WDR82: variants seen among roughly 807,000 people sequenced by gnomAD.
WDR82 encodes WD repeat domain 82.
WDR82 carries 8 observed loss-of-function variants against 36.1 expected under a neutral mutation model. The observed-to-expected ratio is 0.22, with a 90% CI of 0.13 to 0.40. The LOEUF is 0.40. WDR82 is among the 10% of genes least tolerant of loss of function. WDR82 has a pLI of 1.00. For missense variants in WDR82, 185 were observed against 400.5 expected (o/e 0.46, Z 4.59); for synonymous variants, 129 against 137.8 (o/e 0.94, Z 0.45).
intron 1 of WDR82, among the ~76,000 whole-genome samples, chr3:52,277,544 G>C (rs1435107084): frequency 6.6e-6 from 1 of 152,240 alleles, no homozygotes; most frequent in Non-Finnish European, 1.5e-5. Context: ...GGAAGTTTTA[G>C]ATGTTGCTGA....
chr3:52,263,336 G>A (rs1296780803), intron 3 of WDR82, among the ~76,000 whole-genome samples: 1 of 152,224 alleles, frequency 6.6e-6, no homozygotes, highest in African/African-American at 2.4e-5. Context: ...TACAACATCT[G>A]AGGTAGAAAG....
chr3:52,269,742 C>G (rs915502972), intron 2 of WDR82, among the ~76,000 whole-genome samples: 37 of 151,954 alleles, frequency 2.4e-4, no homozygotes, highest in Admixed American at 5.9e-4. Context: ...AAAATAAAAA[C>G]AGACAAACAA....
intron 3 of WDR82, among the ~76,000 whole-genome samples, chr3:52,262,445 T>C (rs993932420): frequency 2.0e-5 from 3 of 152,222 alleles, no homozygotes; most frequent in Non-Finnish European, 4.4e-5. Flanking sequence ...CTTATCAAGA[T>C]GTGTGAGGAC....
intron 1 of WDR82, among the ~76,000 whole-genome samples, chr3:52,274,740 TA>T (rs1700187240): frequency 6.6e-6 from 1 of 151,678 alleles, no homozygotes; most frequent in Non-Finnish European, 1.5e-5. Context: ...CCATTTCTAC[TA>T]AAAATACAAA....
intron 2 of WDR82, chr3:52,268,441 C>G (rs1700125228): frequency 2.3e-6 from 1 of 426,838 alleles, no homozygotes; most frequent in African/African-American, 2.0e-5. Context: ...ATCCTCACAG[C>G]AGAGGCTTGG....
Position 52,259,748 on chromosome 3 carries a change from G to C in WDR82, c.668C>G (p.Ala223Gly). The part of the protein sequence containing the change: ...TNGSFIRLID[A>G]FKGVVMHTFG... ...TGTGTGCATCACCACTCCTTTGAAT[G>C]CATCAATCAGACGAATGAAGCTGCC... is the stretch of plus-strand genomic sequence containing the variant. The change falls in exon 6 of 9, where the codon GCA becomes GGA. Residue 223 changes from alanine to glycine, a missense_variant. By Grantham distance (60) the Ala-to-Gly change is moderately conservative. Coordinates refer to ENST00000296490, the MANE Select transcript of WDR82 (RefSeq NM_025222.4). 1 of 1,613,986 alleles carries C rather than the reference G, an allele frequency of 6.2e-7. No individual in the cohort carries two copies. The highest frequency in any genetic ancestry group is 8.5e-7 in the Non-Finnish European group (1 of 1,179,934).
chr3:52,258,829 G>A lies in WDR82; in HGVS notation c.770-151C>T, dbSNP rs565522711. On this transcript the variant is annotated intron_variant, in intron 7 of 8. Coordinates refer to ENST00000296490, the MANE Select transcript of WDR82 (RefSeq NM_025222.4). ...GAGGGAGGAGAGGCAGTGAAGGAAG[G>A]ACACTTTGGAAATTTATCTTGACCC... The A allele has an allele frequency of 2.7e-6, 3 of 1,098,104 alleles. No homozygotes were observed. In the Admixed American group the frequency reaches 7.8e-5, roughly 28 times the overall value. 68.0% of individuals were successfully genotyped at this position (1,098,104 alleles called of 1,614,324 possible).
intron 3 of WDR82, among the ~76,000 whole-genome samples, chr3:52,262,289 G>C (rs185041204): frequency 1.6e-4 from 24 of 152,300 alleles, no homozygotes; most frequent in African/African-American, 5.8e-4. Context: ...TCTTTGGAGT[G>C]ATAAAAATGT....
chr3:52,266,142 A>C (rs1700104082), intron 3 of WDR82, among the ~76,000 whole-genome samples: 1 of 152,152 alleles, frequency 6.6e-6, no homozygotes, highest in Non-Finnish European at 1.5e-5. Context: ...AAACTTCTTG[A>C]TTTTAAAAAA....
At chr3:52,259,330 A>AGT (rs1700039686) in intron 6 of WDR82, 64 bp from the exon 7 acceptor site, 1 of 1,493,378 alleles carries the variant, frequency 6.7e-7, no homozygotes, top group Non-Finnish European at 9.3e-7. Context: ...GCTGCCTACA[A>AGT]ACACTGACTC....
rs1767 is a variant in WDR82, at chr3:52,256,458, C to A, written c.*1032G>T. ...AGAAATCAAAGGTCATATATAAAAA[C>A]GCTAAATATGACATATAACACAGGC... On this transcript the variant is annotated 3_prime_UTR_variant, in exon 9 of 9. Transcript: ENST00000296490. 6.5e-6 allele frequency: 1 copy of A among 153,592 alleles called. No homozygotes were observed. Among genetic ancestry groups the A allele is most frequent in the Non-Finnish European group, 1.5e-5 (1 of 68,040 alleles). The allele number at this position is 153,592 out of a possible 1,614,324, so 9.5% of individuals were successfully genotyped here.
chr3:52,273,313 C>T (rs529548034), intron 1 of WDR82, among the ~76,000 whole-genome samples: 2 of 151,962 alleles, frequency 1.3e-5, no homozygotes, highest in East Asian at 3.9e-4. Context: ...CACCTGTAAT[C>T]CCAGTTACTT....
chr3:52,276,921 C>A (rs573580166), intron 1 of WDR82, among the ~76,000 whole-genome samples: 2 of 151,552 alleles, frequency 1.3e-5, no homozygotes, highest in African/African-American at 4.8e-5. Flanking sequence ...GGGGGGATAC[C>A]ATTATAGCTC....
chr3:52,258,490 C>G, intron 8 of WDR82, 46 bp downstream of exon 8: 1 of 1,611,210 alleles, frequency 6.2e-7, no homozygotes, highest in Middle Eastern at 2.2e-4. Context: ...ACCACCCCAA[C>G]TGGGAAGGGT....
chr3:52,259,710 A>G lies in WDR82; in HGVS notation c.699+7T>C. 6.2e-7 allele frequency: 1 copy of G among 1,608,720 alleles called. No homozygotes were observed. Among genetic ancestry groups the G allele is most frequent in the Non-Finnish European group, 8.5e-7 (1 of 1,176,692 alleles). ...GAAACAGCCATGCTTGAAGGCTGTC[A>G]GCTCACCCCAAATGTGTGCATCACC... On this transcript the variant is annotated splice_region_variant and intron_variant, in intron 6 of 8. Coordinates refer to ENST00000296490, the MANE Select transcript of WDR82 (RefSeq NM_025222.4).
intron 1 of WDR82, among the ~76,000 whole-genome samples, chr3:52,273,596 C>T (rs1447487219): frequency 6.6e-6 from 1 of 151,970 alleles, no homozygotes. Context: ...AAATCTACTG[C>T]CTCATTTCAT....
chr3:52,274,359 G>A (rs1054518909), intron 1 of WDR82, among the ~76,000 whole-genome samples: 21 of 151,936 alleles, frequency 1.4e-4, no homozygotes, highest in African/African-American at 4.8e-4. Context: ...CTTGAGTTCA[G>A]GAGTTTGAGA....
At chr3:52,275,352 G>C (rs1237022502) in intron 1 of WDR82, among the ~76,000 whole-genome samples, 2 of 152,168 alleles carry the variant, frequency 1.3e-5, no homozygotes, top group Non-Finnish European at 2.9e-5. Context: ...GGAAACTAAA[G>C]AGGTTGTCTA....
At position 52,257,539 on chromosome 3, in the gene WDR82, C is replaced by T. The variant is rs772348925; in HGVS notation, c.913-20G>A. On this transcript the variant is annotated intron_variant, in intron 8 of 8. Transcript: ENST00000296490. Reference sequence around the variant, plus strand: ...AAAGGCCTAGAAGGAGAACATAAATCAACTTTAAAAAGCCAAGCATCTCCT... The same window carrying T: ...AAAGGCCTAGAAGGAGAACATAAATTAACTTTAAAAAGCCAAGCATCTCCT... 1 of 1,614,038 alleles carries T rather than the reference C, an allele frequency of 6.2e-7. No individual in the cohort carries two copies.
Sources: gnomAD v4.1 joint callset for allele counts (sites outside exome capture counted in the v4.1 genomes callset) on GRCh38, gnomAD v4.1.1 for gene constraint, MANE v1.5 for transcripts, NCBI Gene and HGNC (gene_info 2026-07-23, HGNC 2026-07-21) for gene names.